The following IMMP2L variants were observed in gnomAD, a reference collection of about 807,000 sequenced individuals.
IMMP2L encodes inner mitochondrial membrane peptidase subunit 2.
In IMMP2L, 18 loss-of-function variants were observed where a neutral mutation model predicts 19.3. That is an observed-to-expected ratio of 0.93 (90% CI 0.64 to 1.38). IMMP2L has a LOEUF of 1.38. IMMP2L is among the 40% of genes most tolerant of loss of function. The pLI is 0.00. For missense variants in IMMP2L, 233 were observed against 218.2 expected (o/e 1.07, Z -0.43); for synonymous variants, 76 against 73.0 (o/e 1.04, Z -0.21).
At chr7:110,700,856 A>T (rs1794234538) in intron 5 of IMMP2L, among the ~76,000 whole-genome samples, 1 of 152,244 alleles carries the variant, frequency 6.6e-6, no homozygotes, top group South Asian at 2.1e-4. Context: ...ATTCCTATGT[A>T]CTGATATAGT....
At chr7:110,686,347 T>C (rs918918997) in intron 5 of IMMP2L, among the ~76,000 whole-genome samples, 6 of 150,724 alleles carry the variant, frequency 4.0e-5, no homozygotes, top group African/African-American at 1.2e-4. Context: ...TTTTGCTCTC[T>C]TTATATTCTT....
intron 3 of IMMP2L, among the ~76,000 whole-genome samples, chr7:111,388,415 CGAG>C (rs1832001234): frequency 6.6e-6 from 1 of 151,924 alleles, no homozygotes; most frequent in South Asian, 2.1e-4. Context: ...CGTTTGGAAT[CGAG>C]GAGATCAGTG....
intron 5 of IMMP2L, among the ~76,000 whole-genome samples, chr7:110,682,958 A>T (rs1192914847): frequency 6.6e-6 from 1 of 152,096 alleles, no homozygotes; most frequent in African/African-American, 2.4e-5. Context: ...ATCCACCCTT[A>T]AACCAGAGCT....
chr7:111,018,191 A>C (rs907328954), intron 3 of IMMP2L, among the ~76,000 whole-genome samples: 4 of 152,190 alleles, frequency 2.6e-5, no homozygotes, highest in Non-Finnish European at 5.9e-5. Flanking sequence ...ATTGTTCTGA[A>C]AGGTAGCAAG....
At chr7:110,719,069 C>T (rs1304689977) in intron 5 of IMMP2L, among the ~76,000 whole-genome samples, 1 of 152,140 alleles carries the variant, frequency 6.6e-6, no homozygotes, top group Non-Finnish European at 1.5e-5. Context: ...TTAGGAAACA[C>T]TGAAGGTTGA....
intron 3 of IMMP2L, among the ~76,000 whole-genome samples, chr7:111,024,572 T>C (rs530967003): frequency 1.3e-5 from 2 of 152,302 alleles, no homozygotes; most frequent in South Asian, 2.1e-4. Flanking sequence ...CCAGGGAACA[T>C]ATTGATAAAG....
intron 3 of IMMP2L, among the ~76,000 whole-genome samples, chr7:111,114,149 C>T (rs1480986543): frequency 1.3e-5 from 2 of 151,982 alleles, no homozygotes; most frequent in Admixed American, 6.6e-5. Context: ...CACACACACA[C>T]ACACACACAC....
intron 4 of IMMP2L, among the ~76,000 whole-genome samples, chr7:110,946,154 C>G (rs1468173309): frequency 7.9e-5 from 12 of 152,116 alleles, no homozygotes; most frequent in African/African-American, 2.9e-4. Flanking sequence ...GATTTCTGGG[C>G]CCCATCTCCA....
At chr7:111,459,328 T>C (rs1403114908) in intron 3 of IMMP2L, among the ~76,000 whole-genome samples, 2 of 152,132 alleles carry the variant, frequency 1.3e-5, no homozygotes, top group Non-Finnish European at 2.9e-5. Flanking sequence ...CTGACAAGCT[T>C]ATTTCCAAAA....
chr7:110,705,004 G>T (rs1383823414), intron 5 of IMMP2L, among the ~76,000 whole-genome samples: 1 of 152,020 alleles, frequency 6.6e-6, no homozygotes, highest in Non-Finnish European at 1.5e-5. Flanking sequence ...ATGATAAAAA[G>T]TTAGTCATCA....
chr7:111,176,104 T>C lies in IMMP2L; in HGVS notation c.240-212539A>G, dbSNP rs10266977. On this transcript the variant is annotated intron_variant, in intron 3 of 5. Coordinates refer to ENST00000405709, the MANE Select transcript of IMMP2L (RefSeq NM_032549.4). ...TCACTCCAGTTCAAATGACTTTATC[T>C]GAAAGACAGACAATAATGCTGGCAA... 9.4e-3 allele frequency among the ~76,000 whole-genome samples: 1,433 copies of C among 152,022 alleles called. 23 individuals are homozygous for C. Among genetic ancestry groups the C allele is most frequent in the African/African-American group, 0.032 (1,329 of 41,506 alleles).
intron 3 of IMMP2L, among the ~76,000 whole-genome samples, chr7:111,228,086 C>A (rs1272735012): frequency 6.6e-6 from 1 of 152,084 alleles, no homozygotes; most frequent in Non-Finnish European, 1.5e-5. Flanking sequence ...TCAGATGGGC[C>A]AACCAAGAAT....
chr7:111,054,267 T>G (rs970695334), intron 3 of IMMP2L, among the ~76,000 whole-genome samples: 4 of 152,244 alleles, frequency 2.6e-5, no homozygotes, highest in African/African-American at 9.6e-5. Flanking sequence ...TCTGTTGTTT[T>G]GACTTTTTAA....
chr7:111,310,184 G>C (rs1054604128), intron 3 of IMMP2L, among the ~76,000 whole-genome samples: 4 of 149,570 alleles, frequency 2.7e-5, no homozygotes, highest in Admixed American at 2.0e-4. Flanking sequence ...GCAGTGAGTC[G>C]AGATCACCAC....
chr7:111,458,964 C>T (rs532940763), intron 3 of IMMP2L, among the ~76,000 whole-genome samples: 1 of 152,194 alleles, frequency 6.6e-6, no homozygotes, highest in South Asian at 2.1e-4. Context: ...CCTATGTAAT[C>T]CTAACAATCT....
intron 3 of IMMP2L, among the ~76,000 whole-genome samples, chr7:111,007,105 C>T (rs573677195): frequency 1.4e-4 from 21 of 152,142 alleles, no homozygotes; most frequent in Admixed American, 3.9e-4. Context: ...GCTGGGGAGG[C>T]CTCAGGAAGC....
At chr7:110,813,709 T>C (rs1207936554) in intron 5 of IMMP2L, among the ~76,000 whole-genome samples, 1 of 151,068 alleles carries the variant, frequency 6.6e-6, no homozygotes, top group Non-Finnish European at 1.5e-5. Flanking sequence ...AGTATAATTA[T>C]GAAGAGACAG....
intron 3 of IMMP2L, among the ~76,000 whole-genome samples, chr7:111,170,347 T>A (rs888312348): frequency 1.3e-5 from 2 of 151,710 alleles, no homozygotes; most frequent in African/African-American, 4.8e-5. Flanking sequence ...AAAGGCCAAT[T>A]TAAGAGCAGA....
intron 5 of IMMP2L, among the ~76,000 whole-genome samples, chr7:110,827,302 G>A (rs183916816): frequency 2.8e-4 from 42 of 152,196 alleles, no homozygotes; most frequent in African/African-American, 1.0e-3. Context: ...CTAACCCCAA[G>A]TTCTTGTCCT....
Sources: gnomAD v4.1 joint callset for allele counts (sites outside exome capture counted in the v4.1 genomes callset) on GRCh38, gnomAD v4.1.1 for gene constraint, MANE v1.5 for transcripts, NCBI Gene and HGNC (gene_info 2026-07-23, HGNC 2026-07-21) for gene names.